The following PDE10A variants were observed in gnomAD, a reference collection of about 807,000 sequenced individuals.
PDE10A encodes phosphodiesterase 10A.
In PDE10A, 39 loss-of-function variants were observed where a neutral mutation model predicts 97.7. The ratio of observed to expected loss-of-function variants is 0.40; its 90% CI spans 0.31 to 0.52. PDE10A has a LOEUF of 0.52. Among genes scored for constraint, PDE10A ranks in the 20% least tolerant of loss-of-function variants. The pLI is 0.56. For synonymous variants in PDE10A, 371 were observed against 376.8 expected (o/e 0.98, Z 0.18); for missense variants, 731 against 1,047.8 (o/e 0.70, Z 4.17).
In PDE10A at chr6:165,800,919, T is replaced by C. The variant is rs1053243552; in HGVS notation, c.-615+186610A>G. 3.3e-5 allele frequency among the ~76,000 whole-genome samples: 5 copies of C among 152,166 alleles called. No individual in the cohort carries two copies. The East Asian group carries it at 9.7e-4, about 29-fold the overall frequency. On this transcript the variant is annotated intron_variant, in intron 1 of 19. Coordinates refer to the PDE10A transcript ENST00000366882. ...GGCCACTGCACTCTGAGAGTTGAAA[T>C]TCCTCTCGAAACAGAGCTTGGACTA...
intron 3 of PDE10A, among the ~76,000 whole-genome samples, chr6:165,457,372 C>T (rs192909920): frequency 1.3e-5 from 2 of 152,162 alleles, no homozygotes; most frequent in Admixed American, 1.3e-4. Context: ...ACATTTTTCC[C>T]AAATCAAATT....
At chr6:165,612,605 G>A (rs1190468582) in intron 1 of PDE10A, among the ~76,000 whole-genome samples, 1 of 152,154 alleles carries the variant, frequency 6.6e-6, no homozygotes, top group Non-Finnish European at 1.5e-5. Context: ...CCTGACCTCA[G>A]GTGATCTACT....
chr6:165,870,751 C>G (rs2498577), intron 1 of PDE10A, among the ~76,000 whole-genome samples: 109,949 of 152,138 alleles, frequency 0.72, 40,200 homozygotes, highest in East Asian at 0.96. Flanking sequence ...GGTATATATA[C>G]ACAATGGAAT....
chr6:165,452,542 T>C (rs1171020283), intron 3 of PDE10A, among the ~76,000 whole-genome samples: 2 of 152,156 alleles, frequency 1.3e-5, no homozygotes, highest in African/African-American at 4.8e-5. Context: ...TTCCCTTCTC[T>C]CTCTTGTACA....
rs1288344755 is a variant in PDE10A, at chr6:165,819,668, G to A, written c.-615+167861C>T. Among the ~76,000 whole-genome samples, 2 of 152,170 alleles carry A rather than the reference G, an allele frequency of 1.3e-5. No homozygotes were observed. Among genetic ancestry groups the A allele is most frequent in the African/African-American group, 4.8e-5 (2 of 41,440 alleles). ...GGTGTTTGACCGAAACCTTTGCCAA[G>A]GCTGTCAGTGTGCTGGATTTCACTG... On this transcript the variant is annotated intron_variant, in intron 1 of 19. Coordinates refer to the PDE10A transcript ENST00000366882. The surrounding 1 kb of genome is among the most constrained non-coding windows in gnomAD (Gnocchi z 4.2).
chr6:165,964,438 T>C (rs896845586), intron 1 of PDE10A, among the ~76,000 whole-genome samples: 1 of 152,232 alleles, frequency 6.6e-6, no homozygotes, highest in Non-Finnish European at 1.5e-5. Flanking sequence ...CATTGCCAGC[T>C]TTACTACACT....
At chr6:165,691,879 G>A (rs375026137) in intron 1 of PDE10A, among the ~76,000 whole-genome samples, 4 of 152,172 alleles carry the variant, frequency 2.6e-5, no homozygotes, top group African/African-American at 7.2e-5. Flanking sequence ...TTCATCTTAC[G>A]CTTTTCACCC....
chr6:165,818,611 T>C (rs1779482977), intron 1 of PDE10A, among the ~76,000 whole-genome samples: 1 of 152,162 alleles, frequency 6.6e-6, no homozygotes, highest in Non-Finnish European at 1.5e-5. Flanking sequence ...CTGTGGGAAA[T>C]GGGAGAATGA....
chr6:165,901,278 A>G (rs933111458), intron 1 of PDE10A, among the ~76,000 whole-genome samples: 63 of 152,038 alleles, frequency 4.1e-4, no homozygotes, highest in Non-Finnish European at 8.7e-4. Context: ...CATGGCAAAA[A>G]GGGGCACTTC....
chr6:165,705,330 C>A (rs1478610020), intron 1 of PDE10A, among the ~76,000 whole-genome samples: 1 of 152,256 alleles, frequency 6.6e-6, no homozygotes, highest in Non-Finnish European at 1.5e-5. Flanking sequence ...ACTGCTCCAG[C>A]TGCCTACAAA....
At chr6:165,649,996 T>G (rs1331409683) in intron 1 of PDE10A, among the ~76,000 whole-genome samples, 2 of 152,202 alleles carry the variant, frequency 1.3e-5, no homozygotes, top group Non-Finnish European at 2.9e-5. Flanking sequence ...AGAAAAGAGC[T>G]GATAAGATAA....
Position 165,343,439 on chromosome 6 carries a change from G to A in PDE10A, c.2847C>T (p.Pro949=), listed in dbSNP as rs145110839. The change falls in exon 19 of 22, where the codon CCC becomes CCT. Residue 949 remains proline, a synonymous_variant. Transcript: ENST00000539869. ...TATCATTTGCCGTCAATTTTGTAAC[G>A]GGCCACAGTTTTGTCACAGAACAAA... ...CDLCSVTKLW[P]VTKLTANDIY... is the part of the protein sequence containing the mutation. 42 of 1,613,764 alleles carry A rather than the reference G, an allele frequency of 2.6e-5. No individual in the cohort carries two copies. The highest frequency in any genetic ancestry group is 5.3e-5 in the African/African-American group (4 of 74,850).
At chr6:165,826,423 C>A (rs903412907) in intron 1 of PDE10A, among the ~76,000 whole-genome samples, 7 of 150,228 alleles carry the variant, frequency 4.7e-5, no homozygotes, top group Non-Finnish European at 7.4e-5. Context: ...GTCCTGGTAT[C>A]CCTCTGTCCT....
At chr6:165,530,584 A>C (rs1782714352) in intron 2 of PDE10A, among the ~76,000 whole-genome samples, 1 of 145,786 alleles carries the variant, frequency 6.9e-6, no homozygotes, top group Non-Finnish European at 1.5e-5. Context: ...CATGCAACAG[A>C]CCCATGTAAA....
intron 1 of PDE10A, among the ~76,000 whole-genome samples, chr6:165,546,206 A>G (rs1783730637): frequency 6.6e-6 from 1 of 152,074 alleles, no homozygotes. Context: ...ACACTGGAGA[A>G]AAGGCATAAG....
At chr6:165,512,275 T>G (rs1781549726) in intron 2 of PDE10A, among the ~76,000 whole-genome samples, 1 of 151,990 alleles carries the variant, frequency 6.6e-6, no homozygotes, top group African/African-American at 2.4e-5. Flanking sequence ...GAACATTTCT[T>G]GTAGGACTGG....
At chr6:165,460,310 G>A (rs1347158083) in intron 3 of PDE10A, among the ~76,000 whole-genome samples, 2 of 152,306 alleles carry the variant, frequency 1.3e-5, no homozygotes, top group African/African-American at 2.4e-5. Flanking sequence ...AGATTACAAT[G>A]GGGAAATTCA....
intron 2 of PDE10A, among the ~76,000 whole-genome samples, chr6:165,524,729 C>T (rs1397357276): frequency 6.6e-6 from 1 of 152,156 alleles, no homozygotes; most frequent in Non-Finnish European, 1.5e-5. Flanking sequence ...AAGCTCTTAT[C>T]ATGCAAGTGG....
intron 1 of PDE10A, among the ~76,000 whole-genome samples, chr6:165,712,741 G>A (rs1791931056): frequency 7.1e-6 from 1 of 140,030 alleles, no homozygotes. Flanking sequence ...CCGGGTTCAC[G>A]CCATTCTGCT....
Sources: gnomAD v4.1 joint callset for allele counts (sites outside exome capture counted in the v4.1 genomes callset) on GRCh38, gnomAD v4.1.1 for gene constraint, Gnocchi (gnomAD v3.1) non-coding constraint, MANE v1.5 for transcripts, NCBI Gene and HGNC (gene_info 2026-07-23, HGNC 2026-07-21) for gene names.